The following ADGRG5 variants were observed in gnomAD, a reference collection of about 807,000 sequenced individuals.
The protein encoded by ADGRG5 is adhesion G protein-coupled receptor G5, also known as G protein-coupled receptor 114.
Under a neutral mutation model 53.2 loss-of-function variants are expected in ADGRG5, and 37 were observed. That is an observed-to-expected ratio of 0.70 (90% confidence interval 0.53 to 0.91). ADGRG5 has a LOEUF of 0.91. Ranked by LOEUF, ADGRG5 falls within the 40% of genes least tolerant of loss-of-function variation. ADGRG5 has a pLI of 0.00. For missense variants in ADGRG5, 614 were observed against 675.8 expected (o/e 0.91, Z 1.01); for synonymous variants, 277 against 290.4 (o/e 0.95, Z 0.47).
rs755770627 is a variant in ADGRG5 at position 57,570,298 on chromosome 16, C to T, written c.1091-120C>T. 77 of 624,204 alleles carry T rather than the reference C, an allele frequency of 1.2e-4. 1 individual carries two copies. Among genetic ancestry groups the T allele is most frequent in the Non-Finnish European group, 1.7e-4 (58 of 349,468 alleles). The allele number at this position is 624,204 out of a possible 1,614,324, so 38.7% of individuals were successfully genotyped here. ...TTGCTCTGAAGTTGGGGGCTCACAACAGTCTCCTCTCAGTTGTCCCTTGAC... is the reference window on the plus strand; with the variant it reads ...TTGCTCTGAAGTTGGGGGCTCACAATAGTCTCCTCTCAGTTGTCCCTTGAC... On this transcript the variant is annotated intron_variant, in intron 9 of 11. Transcript: ENST00000349457.
At chr16:57,541,647 G>A (rs2032492335), upstream of ADGRG5, among the ~76,000 whole-genome samples, 1 of 152,190 alleles carries the variant, frequency 6.6e-6, no homozygotes, top group Admixed American at 6.5e-5. Context: ...GGACCTGTCT[G>A]GTTTCTCCCT....
chr16:57,563,782 G>A, intron 4 of ADGRG5, 66 bp from the exon 5 acceptor site: 1 of 1,601,986 alleles, frequency 6.2e-7, no homozygotes, highest in Non-Finnish European at 8.5e-7. Flanking sequence ...GTGGGAGGCA[G>A]TGAAGGTGTT....
At chr16:57,537,431 C>T in the ADGRG5 span, among the ~76,000 whole-genome samples, 1 of 152,266 alleles carries the variant, frequency 6.6e-6, no homozygotes, top group East Asian at 1.9e-4. Flanking sequence ...TAGTTTTACC[C>T]CGTGATTAAC....
intron 1 of ADGRG5, among the ~76,000 whole-genome samples, chr16:57,556,908 C>CTTT (rs35948606): frequency 0.057 from 6,613 of 115,688 alleles, 530 homozygotes; most frequent in East Asian, 0.18. Flanking sequence ...TTGCCTTCTT[C>CTTT]TTTTTTTTTT....
intron 3 of ADGRG5, 117 bp from the exon 4 acceptor site, chr16:57,562,974 G>A (rs1486683295): frequency 2.2e-6 from 2 of 893,886 alleles, no homozygotes; most frequent in Non-Finnish European, 1.8e-6. Flanking sequence ...TGGTCTGGAG[G>A]TGCGTGTGAC....
In ADGRG5 at chr16:57,574,375, C is replaced by G. The variant is rs2033452790; in HGVS notation, c.1209-440C>G. 6.6e-6 allele frequency among the ~76,000 whole-genome samples: 1 copy of G among 152,224 alleles called. No individual in the cohort carries two copies. Among genetic ancestry groups the G allele is most frequent in the Admixed American group, 6.5e-5 (1 of 15,280 alleles). The stretch of plus-strand genomic sequence containing the variant: ...GTGGCTCCTGGGGAGGGGCGTCCCA[C>G]TGCAGAGATGGTGATGAGGTGGTGA... On this transcript the variant is annotated intron_variant, in intron 10 of 11. Coordinates refer to ENST00000349457, the MANE Select transcript of ADGRG5 (RefSeq NM_001304376.3). The surrounding 1 kb of genome is among the most constrained non-coding windows in gnomAD (Gnocchi z 4.4).
the ADGRG5 span, among the ~76,000 whole-genome samples, chr16:57,537,101 G>A: frequency 1.3e-5 from 2 of 152,204 alleles, no homozygotes; most frequent in Non-Finnish European, 2.9e-5. Flanking sequence ...GGGGGGCGCG[G>A]GGAGCACTCG....
At chr16:57,563,015 CA>C in intron 3 of ADGRG5, 75 bp from the exon 4 acceptor site, 1 of 1,509,140 alleles carries the variant, frequency 6.6e-7, no homozygotes, top group East Asian at 2.3e-5. Flanking sequence ...CCTGCCCTCC[CA>C]GGCTGTCTAC....
intron 1 of ADGRG5, among the ~76,000 whole-genome samples, chr16:57,550,941 T>C (rs1366877395): frequency 1.3e-5 from 2 of 152,128 alleles, no homozygotes; most frequent in African/African-American, 2.4e-5. Context: ...GGCAGGAGAA[T>C]CACTTGAACC....
chr16:57,562,498 G>T, intron 3 of ADGRG5, 39 bp downstream of exon 3: 1 of 1,404,428 alleles, frequency 7.1e-7, no homozygotes, highest in South Asian at 1.2e-5. Flanking sequence ...CCTGCACCTT[G>T]AATCAGTGGG....
chr16:57,552,422 T>C (rs1468144871), intron 1 of ADGRG5, among the ~76,000 whole-genome samples: 2 of 152,210 alleles, frequency 1.3e-5, no homozygotes, highest in Admixed American at 1.3e-4. Flanking sequence ...ATAACTTGCT[T>C]CTCCATCAGC....
chr16:57,566,129 G>C (rs1368795641), intron 6 of ADGRG5: 1 of 153,970 alleles, frequency 6.5e-6, no homozygotes, highest in Non-Finnish European at 1.4e-5. Flanking sequence ...GTGACTACCT[G>C]TGTCATTTCC....
the ADGRG5 span, among the ~76,000 whole-genome samples, chr16:57,534,546 A>C: frequency 0.047 from 7,133 of 152,226 alleles, 518 homozygotes; most frequent in African/African-American, 0.16. Flanking sequence ...CTCTCTGCAC[A>C]GAGTATGCTC....
chr16:57,537,609 G>A, the ADGRG5 span, among the ~76,000 whole-genome samples: 1 of 152,070 alleles, frequency 6.6e-6, no homozygotes, highest in African/African-American at 2.4e-5. Context: ...AAATATTTGA[G>A]AGCTTCCTCA....
intron 1 of ADGRG5, among the ~76,000 whole-genome samples, chr16:57,552,060 G>A (rs563969407): frequency 6.6e-6 from 1 of 151,368 alleles, no homozygotes; most frequent in South Asian, 2.1e-4. Context: ...GGTCTTAACA[G>A]TGGGTTTAAA....
chr16:57,569,057 C>T (rs1239070648), intron 9 of ADGRG5, among the ~76,000 whole-genome samples: 9 of 149,940 alleles, frequency 6.0e-5, no homozygotes, highest in African/African-American at 2.2e-4. Flanking sequence ...TCCGTTATCG[C>T]CATCACCTCC....
chr16:57,566,242 A>C, intron 6 of ADGRG5: 1 of 186,362 alleles, frequency 5.4e-6, no homozygotes, highest in Non-Finnish European at 1.1e-5. Context: ...ATGGGGAGGA[A>C]GGGAAGGGAT....
rs566968161 is a variant in ADGRG5, at chr16:57,567,845, C to G, written c.822-11C>G. On this transcript the variant is annotated splice_polypyrimidine_tract_variant and intron_variant, in intron 8 of 11. Coordinates refer to ENST00000349457, the MANE Select transcript of ADGRG5 (RefSeq NM_001304376.3). Reference sequence around the variant, plus strand: ...TCCCTGGGCCATGGAGGACCATTCTCTCACCTGCAGGAAGCAGAGTGACTC... The same window carrying G: ...TCCCTGGGCCATGGAGGACCATTCTGTCACCTGCAGGAAGCAGAGTGACTC... 1 of 1,603,290 alleles carries G rather than the reference C, an allele frequency of 6.2e-7. No individual in the cohort carries two copies. Among genetic ancestry groups the G allele is most frequent in the African/African-American group, 1.3e-5 (1 of 74,926 alleles).
At position 57,574,501 on chromosome 16, in the gene ADGRG5, A is replaced by G. The variant is rs2033456450; in HGVS notation, c.1209-314A>G. The stretch of plus-strand genomic sequence containing the variant: ...CATGCCGGCCTTGGGCTGGCCATGG[A>G]AGCAGAGAGGAGTGAGATGTGGAAA... On this transcript the variant is annotated intron_variant, in intron 10 of 11. Coordinates refer to ENST00000349457, the MANE Select transcript of ADGRG5 (RefSeq NM_001304376.3). This position sits in a 1 kb window ranked among gnomAD's most constrained non-coding sequence, Gnocchi z 4.4. Among the ~76,000 whole-genome samples the G allele has an allele frequency of 6.6e-6, 1 of 152,180 alleles. No individual in the cohort carries two copies. The highest frequency in any genetic ancestry group is 1.5e-5 in the Non-Finnish European group (1 of 68,032).
Sources: allele counts gnomAD v4.1 joint callset (sites outside exome capture counted in the v4.1 genomes callset), GRCh38; gene constraint gnomAD v4.1.1; non-coding constraint Gnocchi (gnomAD v3.1); transcripts MANE v1.5; gene names NCBI Gene and HGNC (gene_info 2026-07-23, HGNC 2026-07-21).